SGCD: variants seen among roughly 807,000 people sequenced by gnomAD.
SGCD encodes the protein delta-sarcoglycan.
Under a neutral mutation model 36.6 loss-of-function variants are expected in SGCD, and 18 were observed. The ratio of observed to expected loss-of-function variants is 0.49; its 90% CI spans 0.34 to 0.73. The LOEUF is 0.73. Ranked by LOEUF, SGCD falls within the 30% of genes least tolerant of loss-of-function variation. SGCD has a pLI of 0.01. For synonymous variants in SGCD, 133 were observed against 130.6 expected (o/e 1.02, Z -0.12); for missense variants, 387 against 346.7 (o/e 1.12, Z -0.92).
intron 3 of SGCD, among the ~76,000 whole-genome samples, chr5:156,282,951 C>T (rs1766490722): frequency 6.6e-6 from 1 of 152,088 alleles, no homozygotes; most frequent in South Asian, 2.1e-4. Flanking sequence ...GATTTCTATA[C>T]AAGAATTTCA....
chr5:155,954,323 C>T (rs889528134), intron 1 of SGCD, among the ~76,000 whole-genome samples: 3 of 152,142 alleles, frequency 2.0e-5, no homozygotes, highest in Admixed American at 6.6e-5. Context: ...GTCATAAATT[C>T]GCTTTCGACT....
chr5:155,878,200 A>G (rs944998799), intron 1 of SGCD, among the ~76,000 whole-genome samples: 6 of 152,094 alleles, frequency 3.9e-5, no homozygotes, highest in African/African-American at 1.4e-4. Flanking sequence ...AACCTGCAGG[A>G]ATATCTATTA....
At chr5:156,259,355 C>G (rs183742932) in intron 3 of SGCD, among the ~76,000 whole-genome samples, 2 of 151,996 alleles carry the variant, frequency 1.3e-5, no homozygotes, top group African/African-American at 4.8e-5. Context: ...AATCTGTACA[C>G]AAGTCTTCCA....
chr5:156,042,136 T>G (rs1759650505), intron 1 of SGCD, among the ~76,000 whole-genome samples: 1 of 152,048 alleles, frequency 6.6e-6, no homozygotes, highest in Admixed American at 6.6e-5. Flanking sequence ...CCTCCAAATC[T>G]GGAAGTTAGG....
At chr5:156,343,669 G>C (rs1469920835) in intron 2 of SGCD, among the ~76,000 whole-genome samples, 1 of 152,088 alleles carries the variant, frequency 6.6e-6, no homozygotes, top group African/African-American at 2.4e-5. Context: ...TTATTCTAAA[G>C]GGCATCAACG....
intron 1 of SGCD, among the ~76,000 whole-genome samples, chr5:155,917,338 A>T (rs947997368): frequency 6.6e-6 from 1 of 152,312 alleles, no homozygotes; most frequent in African/African-American, 2.4e-5. Flanking sequence ...TGAAGGTTGT[A>T]TATTCTGACC....
chr5:156,015,848 A>G (rs1364041553), intron 1 of SGCD, among the ~76,000 whole-genome samples: 2 of 150,510 alleles, frequency 1.3e-5, no homozygotes, highest in Non-Finnish European at 3.0e-5. Flanking sequence ...GAATGAATGA[A>G]TGAAATTATA....
At chr5:156,088,226 G>A (rs1305816099) in intron 1 of SGCD, among the ~76,000 whole-genome samples, 1 of 151,950 alleles carries the variant, frequency 6.6e-6, no homozygotes, top group East Asian at 1.9e-4. Context: ...GAGAGTTCTG[G>A]GGCCTTACTT....
At chr5:156,184,371 G>GTT (rs3036754) in intron 3 of SGCD, among the ~76,000 whole-genome samples, 14 of 141,474 alleles carry the variant, frequency 9.9e-5, no homozygotes, top group African/African-American at 1.6e-4. Context: ...CAAGCAGCCA[G>GTT]TTTTTTTTTT....
At chr5:156,215,250 A>G (rs1307744045) in intron 3 of SGCD, among the ~76,000 whole-genome samples, 8 of 152,120 alleles carry the variant, frequency 5.3e-5, no homozygotes, top group Non-Finnish European at 8.8e-5. Flanking sequence ...AATCTAGGGG[A>G]GAAGCTCCAT....
At chr5:156,005,955 TCA>T (rs1360383693) in intron 1 of SGCD, among the ~76,000 whole-genome samples, 2 of 152,206 alleles carry the variant, frequency 1.3e-5, no homozygotes, top group Non-Finnish European at 2.9e-5. Flanking sequence ...GGTTTGAATT[TCA>T]GTTTCCCCCT....
At chr5:155,981,116 C>T (rs962744810) in intron 1 of SGCD, among the ~76,000 whole-genome samples, 1 of 152,140 alleles carries the variant, frequency 6.6e-6, no homozygotes. Flanking sequence ...GGCTCCAGCC[C>T]ACTGAGATGA....
At chr5:155,752,545 T>C in the SGCD span, among the ~76,000 whole-genome samples, 19 of 152,310 alleles carry the variant, frequency 1.2e-4, no homozygotes, top group African/African-American at 4.3e-4. Flanking sequence ...TCCACTCTTT[T>C]GTTGCCCTTC....
intron 3 of SGCD, among the ~76,000 whole-genome samples, chr5:156,455,102 A>G (rs1754195802): frequency 6.6e-6 from 1 of 152,222 alleles, no homozygotes; most frequent in Non-Finnish European, 1.5e-5. Context: ...TAAGCAATAA[A>G]TAGATACTTG....
intron 1 of SGCD, among the ~76,000 whole-genome samples, chr5:156,115,382 G>C (rs1761884209): frequency 6.6e-6 from 1 of 151,964 alleles, no homozygotes; most frequent in African/African-American, 2.4e-5. Flanking sequence ...GGATAGGGTA[G>C]TGAAATCCTA....
chr5:156,651,424 T>A (rs543078649), intron 7 of SGCD, among the ~76,000 whole-genome samples: 1 of 152,138 alleles, frequency 6.6e-6, no homozygotes, highest in Non-Finnish European at 1.5e-5. Flanking sequence ...AGAATTCTTA[T>A]AGTTTGAGGT....
At chr5:156,185,471 C>G (rs1300849531) in intron 3 of SGCD, among the ~76,000 whole-genome samples, 1 of 152,040 alleles carries the variant, frequency 6.6e-6, no homozygotes, top group Non-Finnish European at 1.5e-5. Context: ...GCCTTGGCCT[C>G]CCAAAGTGCT....
intron 8 of SGCD, among the ~76,000 whole-genome samples, chr5:156,758,313 G>A (rs1287370221): frequency 1.3e-5 from 2 of 151,978 alleles, no homozygotes; most frequent in Non-Finnish European, 2.9e-5. Flanking sequence ...TGATTTGTCT[G>A]TAAACTTTTA....
chr5:156,054,288 T>C lies in SGCD; in HGVS notation c.-281-63590T>C, dbSNP rs1760001821. Among the ~76,000 whole-genome samples the C allele has an allele frequency of 2.3e-5, 3 of 133,096 alleles. 1 individual carries two copies. Among genetic ancestry groups the C allele is most frequent in the African/African-American group, 7.9e-5 (3 of 37,806 alleles). 87.3% of individuals were successfully genotyped at this position (133,096 alleles called of 152,430 possible). A position where few individuals can be genotyped will look rare whatever the true frequency, so the allele number is the denominator to read the frequency against. ...AATTAAACATGAACTTTCCTTCTTT[T>C]TTTTTTTTTTTTTTTGAGACAGAGT... On this transcript the variant is annotated intron_variant, in intron 1 of 9. Coordinates refer to the SGCD transcript ENST00000517913.
Sources: allele counts gnomAD v4.1 joint callset (sites outside exome capture counted in the v4.1 genomes callset), GRCh38; gene constraint gnomAD v4.1.1; transcripts MANE v1.5; gene names NCBI Gene and HGNC (gene_info 2026-07-23, HGNC 2026-07-21).